Variants in EFHD1 observed in about 807,000 individuals in gnomAD.
EFHD1 encodes EF-hand domain-containing protein D1.
Under a neutral mutation model 17.2 loss-of-function variants are expected in EFHD1, and 10 were observed. The observed-to-expected ratio is 0.58, with a 90% CI of 0.36 to 0.99. The LOEUF (loss-of-function observed/expected upper bound fraction) is 0.99. EFHD1 is among the 50% of genes least tolerant of loss of function. The pLI is 0.01. For missense variants in EFHD1, 310 were observed against 327.5 expected, an observed-to-expected ratio of 0.95 and a Z score of 0.41; for synonymous variants, 153 against 142.0, an observed-to-expected ratio of 1.08 and a Z score of -0.55.
intron 1 of EFHD1, among the ~76,000 whole-genome samples, chr2:232,658,125 A>T (rs1365822623): frequency 6.6e-6 from 1 of 150,572 alleles, no homozygotes; most frequent in Non-Finnish European, 1.5e-5. Context: ...CTGGTCTCGA[A>T]CTCCTGACCT....
intron 2 of EFHD1, among the ~76,000 whole-genome samples, chr2:232,671,190 T>A (rs1695062375): frequency 6.6e-6 from 1 of 152,032 alleles, no homozygotes; most frequent in Admixed American, 6.6e-5. Context: ...ATTTCAGCAC[T>A]TTAGGAGACT....
chr2:232,673,762 G>A (rs939331013), intron 3 of EFHD1, among the ~76,000 whole-genome samples: 7 of 152,096 alleles, frequency 4.6e-5, no homozygotes, highest in Non-Finnish European at 1.0e-4. Flanking sequence ...TTGAGATGGA[G>A]TGTCGCTCTG....
rs201937449 is a variant in EFHD1, at chr2:232,618,316, G to A, written c.14+12143G>A. Reference sequence around the variant, plus strand: ...ATTACAGGTGTGAGCCACCATGCCCGGCAATAAACCAGTTTTAAAATGGAC... The same window carrying A: ...ATTACAGGTGTGAGCCACCATGCCCAGCAATAAACCAGTTTTAAAATGGAC... On this transcript the variant is annotated intron_variant, in intron 1 of 3. Coordinates refer to the EFHD1 transcript ENST00000409613. 6.6e-5 allele frequency among the ~76,000 whole-genome samples: 10 copies of A among 152,122 alleles called. No individual in the cohort carries two copies. The East Asian group carries it at 1.4e-3, about 21-fold the overall frequency.
At chr2:232,627,043 T>TCC (rs1559340035) in intron 1 of EFHD1, among the ~76,000 whole-genome samples, 2 of 83,530 alleles carry the variant, frequency 2.4e-5, no homozygotes, top group Non-Finnish European at 4.5e-5. Flanking sequence ...TCTCTATATA[T>TCC]ATATATATAT....
rs1400807333 is a variant in EFHD1 at position 232,681,761 on chromosome 2, A to G, written c.*42A>G. ...CTCTGCCCACAGCTGTGCCTCACAG[A>G]TGCCCCGAGAAGAGATGACTAGGCA... On this transcript the variant is annotated 3_prime_UTR_variant, in exon 4 of 4. Transcript: ENST00000264059. 3.7e-6 allele frequency: 6 copies of G among 1,602,540 alleles called. No homozygotes were observed. The highest frequency in any genetic ancestry group is 5.1e-6 in the Non-Finnish European group (6 of 1,174,748).
intron 1 of EFHD1, among the ~76,000 whole-genome samples, chr2:232,641,059 T>C (rs1200330230): frequency 6.6e-6 from 1 of 152,104 alleles, no homozygotes; most frequent in Non-Finnish European, 1.5e-5. Flanking sequence ...TTACTATTTT[T>C]TGAAACAGGG....
intron 1 of EFHD1, among the ~76,000 whole-genome samples, chr2:232,615,878 G>A (rs943129421): frequency 2.0e-5 from 3 of 151,742 alleles, no homozygotes; most frequent in Admixed American, 1.3e-4. Flanking sequence ...GTAGAGATGG[G>A]GTTTCTTCTT....
At chr2:232,668,170 A>G (rs1695000787) in intron 2 of EFHD1, among the ~76,000 whole-genome samples, 1 of 152,188 alleles carries the variant, frequency 6.6e-6, no homozygotes, top group South Asian at 2.1e-4. Flanking sequence ...TGGACTATAA[A>G]TAGGAAGACA....
At chr2:232,628,089 C>G (rs1694140200) in intron 1 of EFHD1, among the ~76,000 whole-genome samples, 1 of 152,228 alleles carries the variant, frequency 6.6e-6, no homozygotes, top group South Asian at 2.1e-4. Context: ...GAGATGGAGT[C>G]TCACTCTGTC....
chr2:232,679,335 A>G (rs1266663770), intron 3 of EFHD1, among the ~76,000 whole-genome samples: 2 of 152,198 alleles, frequency 1.3e-5, no homozygotes, highest in Non-Finnish European at 2.9e-5. Flanking sequence ...GAAAGGAACT[A>G]AAATATGTAT....
At chr2:232,632,438 C>T (rs1330907325), upstream of EFHD1, among the ~76,000 whole-genome samples, 2 of 152,196 alleles carry the variant, frequency 1.3e-5, no homozygotes, top group African/African-American at 4.8e-5. Flanking sequence ...AGAGCAGCGT[C>T]GTTCTCAAGT....
chr2:232,638,050 C>A (rs576077637), intron 1 of EFHD1: 34 of 208,200 alleles, frequency 1.6e-4, no homozygotes, highest in African/African-American at 6.9e-4. Context: ...AGAGAAAGTT[C>A]CCTCTCCATT....
rs201857701 is a variant in EFHD1, at chr2:232,681,741, C to G, written c.*22C>G. On this transcript the variant is annotated 3_prime_UTR_variant, in exon 4 of 4. Transcript: ENST00000264059. Reference sequence around the variant, plus strand: ...ATAGTCCTGCTGACCTTGCCCTCTGCCCACAGCTGTGCCTCACAGATGCCC... The same window carrying G: ...ATAGTCCTGCTGACCTTGCCCTCTGGCCACAGCTGTGCCTCACAGATGCCC... 47 of 1,610,766 alleles carry G rather than the reference C, an allele frequency of 2.9e-5. No homozygotes were observed. The highest frequency in any genetic ancestry group is 1.4e-5 in the Non-Finnish European group (16 of 1,178,514).
At position 232,681,897 on chromosome 2, in the gene EFHD1, G is replaced by A. The variant is rs1695291020; in HGVS notation, c.*178G>A. 9.9e-7 allele frequency: 1 copy of A among 1,012,724 alleles called. No homozygotes were observed. The highest frequency in any genetic ancestry group is 3.2e-5 in the Admixed American group (1 of 31,166). The allele number at this position is 1,012,724 out of a possible 1,614,324, so 62.7% of individuals were successfully genotyped here. A position where few individuals can be genotyped will look rare whatever the true frequency, so the allele number is the denominator to read the frequency against. ...CCCAGTGTCCAAGCCCCTCCAGGAG[G>A]GTCCTGGGGTGGGCCAGATGCCTGC... On this transcript the variant is annotated 3_prime_UTR_variant, in exon 4 of 4. Transcript: ENST00000264059.
At chr2:232,657,158 C>T (rs1200965196) in intron 1 of EFHD1, among the ~76,000 whole-genome samples, 4 of 152,198 alleles carry the variant, frequency 2.6e-5, no homozygotes, top group African/African-American at 9.7e-5. Context: ...CCATCACTGT[C>T]ATCCATTTCC....
rs1242284297 is a variant in EFHD1, at chr2:232,627,036, C to CTCTA, written c.14+20864_14+20865insCTAT. On this transcript the variant is annotated intron_variant, in intron 1 of 3. Transcript: ENST00000409613. ...CCTGTCTCTCTCTCTCTCTCTCTCT[C>CTCTA]TATATATATATATATATATATATAT... 5.6e-3 allele frequency among the ~76,000 whole-genome samples: 626 copies of CTCTA among 112,536 alleles called. 6 individuals carry two copies. Among genetic ancestry groups the CTCTA allele is most frequent in the Non-Finnish European group, 8.3e-3 (462 of 55,952 alleles). The allele number at this position is 112,536 out of a possible 152,430, so 73.8% of individuals were successfully genotyped here. A position where few individuals can be genotyped will look rare whatever the true frequency, so the allele number is the denominator to read the frequency against.
At chr2:232,646,110 C>T (rs1371068298) in intron 1 of EFHD1, among the ~76,000 whole-genome samples, 1 of 152,210 alleles carries the variant, frequency 6.6e-6, no homozygotes, top group African/African-American at 2.4e-5. Flanking sequence ...CATGTTTTAG[C>T]CGGGCTCACC....
At chr2:232,627,134 G>T (rs1289544948) in intron 1 of EFHD1, among the ~76,000 whole-genome samples, 1 of 147,938 alleles carries the variant, frequency 6.8e-6, no homozygotes, top group Non-Finnish European at 1.5e-5. Flanking sequence ...GGGAGGCTGA[G>T]GTAGGAGGAT....
intron 1 of EFHD1, among the ~76,000 whole-genome samples, chr2:232,650,624 A>C (rs931013148): frequency 1.5e-4 from 20 of 135,208 alleles, no homozygotes; most frequent in African/African-American, 5.5e-4. Context: ...GCTGGAGTGC[A>C]GTGGTGCGAT....
Sources: allele counts gnomAD v4.1 joint callset (sites outside exome capture counted in the v4.1 genomes callset), GRCh38; gene constraint gnomAD v4.1.1; transcripts MANE v1.5; gene names NCBI Gene and HGNC (gene_info 2026-07-23, HGNC 2026-07-21).